MYO16: variants seen among roughly 807,000 people sequenced by gnomAD.
The protein encoded by MYO16 is myosin XVI.
In MYO16, 94 loss-of-function variants were observed where a neutral mutation model predicts 205.3. The observed-to-expected ratio is 0.46, with a 90% CI of 0.39 to 0.54. MYO16 has a LOEUF of 0.54. Ranked by LOEUF, MYO16 falls within the 20% of genes least tolerant of loss-of-function variation. The probability of loss-of-function intolerance (pLI) is 0.00; values close to 1 mark genes in which losing one functional copy is unlikely to be tolerated. For missense variants in MYO16, 2,315 were observed against 2,387.5 expected, an observed-to-expected ratio of 0.97 and a Z score of 0.63; for synonymous variants, 988 against 954.0, an observed-to-expected ratio of 1.04 and a Z score of -0.66.
At chr13:109,012,175 A>T (rs1885624187) in intron 22 of MYO16, among the ~76,000 whole-genome samples, 1 of 152,230 alleles carries the variant, frequency 6.6e-6, no homozygotes, top group South Asian at 2.1e-4. Context: ...AAGAAAAGAT[A>T]AACAGCACTA....
At chr13:108,762,862 T>C (rs551752943) in intron 4 of MYO16, among the ~76,000 whole-genome samples, 27 of 152,322 alleles carry the variant, frequency 1.8e-4, no homozygotes, top group African/African-American at 6.3e-4. Context: ...CATTGATAGA[T>C]GTGGTCTTTG....
At chr13:108,987,087 T>A (rs1884666244) in intron 20 of MYO16, among the ~76,000 whole-genome samples, 1 of 152,192 alleles carries the variant, frequency 6.6e-6, no homozygotes, top group Non-Finnish European at 1.5e-5. Context: ...TCTAATTAAC[T>A]GCAATGTTCC....
At chr13:109,167,403 A>T (rs1878724228) in intron 33 of MYO16, 1 of 152,056 alleles carries the variant, frequency 6.6e-6, no homozygotes, top group African/African-American at 2.4e-5. Context: ...CAAAAGACTA[A>T]GTGTGATCCT....
intron 4 of MYO16, among the ~76,000 whole-genome samples, chr13:108,766,642 C>T (rs16973067): frequency 0.026 from 3,912 of 152,294 alleles, 162 homozygotes; most frequent in African/African-American, 0.089. Context: ...GGGTAAATAG[C>T]GCCCAACAAG....
At chr13:108,699,050 T>C (rs1883195098) in intron 2 of MYO16, among the ~76,000 whole-genome samples, 1 of 151,518 alleles carries the variant, frequency 6.6e-6, no homozygotes, top group Admixed American at 6.6e-5. Flanking sequence ...CCCACTTGAC[T>C]TACTTTTAAA....
chr13:108,631,378 C>T (rs1234437961), intron 1 of MYO16, among the ~76,000 whole-genome samples: 2 of 152,078 alleles, frequency 1.3e-5, no homozygotes, highest in Non-Finnish European at 2.9e-5. Flanking sequence ...ATGAGTCTGC[C>T]CTTTCCTGCC....
intron 16 of MYO16, among the ~76,000 whole-genome samples, chr13:108,915,931 G>A (rs1881477583): frequency 6.6e-6 from 1 of 152,186 alleles, no homozygotes; most frequent in Non-Finnish European, 1.5e-5. Context: ...ACCTGTCACG[G>A]GGAAGCCACG....
intron 33 of MYO16, among the ~76,000 whole-genome samples, chr13:109,172,711 G>C (rs1464561728): frequency 6.6e-6 from 1 of 152,164 alleles, no homozygotes; most frequent in Admixed American, 6.5e-5. Flanking sequence ...ATGAAATTTA[G>C]CAGAAAGTTA....
chr13:108,843,116 G>T (rs1877333018), intron 9 of MYO16, among the ~76,000 whole-genome samples: 1 of 151,620 alleles, frequency 6.6e-6, no homozygotes, highest in Non-Finnish European at 1.5e-5. Context: ...AAGGGAAGGT[G>T]TCAGTCACAG....
At chr13:108,663,606 A>G (rs1881597394) in intron 1 of MYO16, among the ~76,000 whole-genome samples, 2 of 152,192 alleles carry the variant, frequency 1.3e-5, no homozygotes, top group South Asian at 4.1e-4. Context: ...AAATTGATTT[A>G]AGAGCCACCC....
intron 34 of MYO16, among the ~76,000 whole-genome samples, chr13:109,189,879 A>T (rs1274374865): frequency 6.6e-6 from 1 of 151,568 alleles, no homozygotes; most frequent in Non-Finnish European, 1.5e-5. Flanking sequence ...TTCTGCCTTC[A>T]TTCTCTACGT....
At chr13:108,737,219 T>G (rs1041658193) in intron 4 of MYO16, among the ~76,000 whole-genome samples, 1 of 152,182 alleles carries the variant, frequency 6.6e-6, no homozygotes, top group Non-Finnish European at 1.5e-5. Flanking sequence ...TTGTGCCAGT[T>G]TTTAAAGGGA....
intron 4 of MYO16, among the ~76,000 whole-genome samples, chr13:108,783,746 T>C (rs568903023): frequency 7.9e-5 from 12 of 152,176 alleles, no homozygotes; most frequent in Non-Finnish European, 1.8e-4. Flanking sequence ...TCTCATGAGA[T>C]CTGATGGGTT....
Position 109,055,728 on chromosome 13 carries a change from C to A in MYO16, c.3335+133C>A. The A allele has an allele frequency of 1.4e-6, 1 of 720,970 alleles. No homozygotes were observed. The highest frequency in any genetic ancestry group is 2.3e-6 in the Non-Finnish European group (1 of 433,620). The allele number at this position is 720,970 out of a possible 1,614,324, so 44.7% of individuals were successfully genotyped here. On this transcript the variant is annotated intron_variant, in intron 27 of 34. Transcript: ENST00000457511. The surrounding 1 kb of genome is among the most constrained non-coding windows in gnomAD (Gnocchi z 5.0). ...TTTTGTTGTTTACTTTTTTCTATCT[C>A]CAATAAACAAAATATTCTGGGAAAC...
intron 2 of MYO16, among the ~76,000 whole-genome samples, chr13:108,694,520 A>G (rs993998961): frequency 6.6e-6 from 1 of 151,888 alleles, no homozygotes; most frequent in Non-Finnish European, 1.5e-5. Flanking sequence ...GGTCGTTTTT[A>G]TCTCTTCTTT....
chr13:109,070,712 T>C (rs751011851), intron 27 of MYO16, among the ~76,000 whole-genome samples: 1 of 152,240 alleles, frequency 6.6e-6, no homozygotes, highest in Non-Finnish European at 1.5e-5. Flanking sequence ...AGATTAGTAC[T>C]TCTGTTTTAT....
the MYO16 span, among the ~76,000 whole-genome samples, chr13:108,578,174 A>G: frequency 2.0e-5 from 3 of 152,318 alleles, no homozygotes; most frequent in Admixed American, 1.3e-4. Context: ...TTCGACACAT[A>G]AAAAGCTGCC....
chr13:108,757,643 C>A (rs1885464594), intron 4 of MYO16, among the ~76,000 whole-genome samples: 1 of 152,068 alleles, frequency 6.6e-6, no homozygotes. Context: ...CCCCACCCCA[C>A]AACAGGCCCC....
chr13:108,633,613 G>A (rs1308278677), intron 1 of MYO16, among the ~76,000 whole-genome samples: 1 of 152,136 alleles, frequency 6.6e-6, no homozygotes. Context: ...AATCTCCTTT[G>A]ACATCACCCT....
Sources: gnomAD v4.1 joint callset for allele counts (sites outside exome capture counted in the v4.1 genomes callset) on GRCh38, gnomAD v4.1.1 for gene constraint, Gnocchi (gnomAD v3.1) non-coding constraint, MANE v1.5 for transcripts, NCBI Gene and HGNC (gene_info 2026-07-23, HGNC 2026-07-21) for gene names.